The following BAIAP2 variants were observed in gnomAD, a reference collection of about 807,000 sequenced individuals.
The protein encoded by BAIAP2 is BAR/IMD domain containing adaptor protein 2, also known as BAR/IMD domain-containing adapter protein 2.
Under a neutral mutation model 63.0 loss-of-function variants are expected in BAIAP2, and 18 were observed. The ratio of observed to expected loss-of-function variants is 0.29; its 90% confidence interval spans 0.20 to 0.42. BAIAP2 has a LOEUF of 0.42. Among genes scored for constraint, BAIAP2 ranks in the 10% least tolerant of loss-of-function variants. The pLI is 1.00. For synonymous variants in BAIAP2, 386 were observed against 307.6 expected, an observed-to-expected ratio of 1.25 and a Z score of -2.67; for missense variants, 610 against 734.3, an observed-to-expected ratio of 0.83 and a Z score of 1.96.
chr17:81,096,059 G>A (rs531007853), intron 6 of BAIAP2, among the ~76,000 whole-genome samples: 1 of 152,220 alleles, frequency 6.6e-6, no homozygotes, highest in Non-Finnish European at 1.5e-5. Context: ...AGACCCAGGG[G>A]GCCCTGCAGC....
chr17:81,037,014 A>T, intron 1 of BAIAP2: 1 of 1,452,752 alleles, frequency 6.9e-7, no homozygotes, highest in Non-Finnish European at 9.3e-7. Flanking sequence ...GATCGTCCTT[A>T]ATAAAACTCT....
intron 3 of BAIAP2, among the ~76,000 whole-genome samples, chr17:81,070,602 C>T (rs1235128658): frequency 6.6e-6 from 1 of 152,306 alleles, no homozygotes. Context: ...GTGCCTGTCC[C>T]GCTGCAGCTG....
At chr17:81,070,673 C>T (rs542996119) in intron 3 of BAIAP2, among the ~76,000 whole-genome samples, 4 of 152,146 alleles carry the variant, frequency 2.6e-5, no homozygotes, top group Admixed American at 2.0e-4. Flanking sequence ...GTTAGCTCAG[C>T]CCCCGCAGAG....
intron 1 of BAIAP2, among the ~76,000 whole-genome samples, chr17:81,047,471 C>A (rs1322494773): frequency 6.6e-6 from 1 of 152,262 alleles, no homozygotes; most frequent in East Asian, 1.9e-4. Context: ...TGGCCACACA[C>A]AGACACATGT....
chr17:81,055,829 TG>T (rs2049459850), intron 2 of BAIAP2, among the ~76,000 whole-genome samples: 1 of 152,046 alleles, frequency 6.6e-6, no homozygotes, highest in African/African-American at 2.4e-5. Context: ...CCTCCCAAAG[TG>T]CCTAGGATTA....
chr17:81,108,344 G>T (rs2059421952), intron 12 of BAIAP2, 131 bp from the exon 13 acceptor site: 4 of 979,128 alleles, frequency 4.1e-6, no homozygotes, highest in African/African-American at 1.6e-5. Context: ...AGGAGATGGG[G>T]AGCCTTCCAA....
chr17:81,041,407 C>T (rs1165495629), intron 1 of BAIAP2, among the ~76,000 whole-genome samples: 2 of 152,188 alleles, frequency 1.3e-5, no homozygotes, highest in African/African-American at 4.8e-5. Context: ...GATCTGATGT[C>T]CTGGGCCATG....
At chr17:81,039,215 T>C (rs1598474897) in intron 1 of BAIAP2, among the ~76,000 whole-genome samples, 1 of 152,196 alleles carries the variant, frequency 6.6e-6, no homozygotes, top group Non-Finnish European at 1.5e-5. Context: ...CTTGGTGGGG[T>C]GGCCAGGGCA....
Position 81,066,278 on chromosome 17 carries a change from G to A in BAIAP2, c.217+8311G>A, listed in dbSNP as rs2051450533. Among the ~76,000 whole-genome samples, 5 of 152,240 alleles carry A rather than the reference G, an allele frequency of 3.3e-5. No homozygotes were observed. The South Asian group carries it at 1.0e-3, about 31-fold the overall frequency. The stretch of plus-strand genomic sequence containing the variant: ...TGCCAGCTGCCCGGCATCCCCAGGT[G>A]CCCGGGAGAGTGGCAGGAGCTCCCT... On this transcript the variant is annotated intron_variant, in intron 3 of 13. Coordinates refer to ENST00000428708, the MANE Select transcript of BAIAP2 (RefSeq NM_001144888.2).
At chr17:81,106,208 C>T (rs1016135447) in intron 11 of BAIAP2, 62 bp downstream of exon 11, 11 of 1,499,584 alleles carry the variant, frequency 7.3e-6, no homozygotes, top group South Asian at 7.2e-5. Context: ...TGTGATGACA[C>T]CAGGTCCCTG....
rs565072266 is a variant in BAIAP2, at chr17:81,092,320, C to A, written c.489+5740C>A. ...GGCCGAGGCCCCCGATGCGCACTGC[C>A]CGCCTCCACTGCCGGGCTCATTGTG... On this transcript the variant is annotated intron_variant, in intron 6 of 13. Coordinates refer to ENST00000428708, the MANE Select transcript of BAIAP2 (RefSeq NM_001144888.2). Among the ~76,000 whole-genome samples the A allele has an allele frequency of 5.3e-5, 8 of 152,316 alleles. No individual in the cohort carries two copies. The East Asian group carries it at 1.5e-3, about 29-fold the overall frequency.
chr17:81,114,735 C>T (rs1372187371), intron 13 of BAIAP2, among the ~76,000 whole-genome samples: 1 of 152,182 alleles, frequency 6.6e-6, no homozygotes, highest in African/African-American at 2.4e-5. Flanking sequence ...TCCTGGGCAG[C>T]TGGACGGAAC....
At chr17:81,089,414 C>T (rs968941887) in intron 6 of BAIAP2, among the ~76,000 whole-genome samples, 1 of 152,210 alleles carries the variant, frequency 6.6e-6, no homozygotes, top group Non-Finnish European at 1.5e-5. Flanking sequence ...TGCTGTGGTC[C>T]ACGGTCTGGG....
chr17:81,085,132 G>C (rs2055344552), intron 4 of BAIAP2: 1 of 579,556 alleles, frequency 1.7e-6, no homozygotes, highest in Non-Finnish European at 3.1e-6. Flanking sequence ...TGACACGCTG[G>C]GCTCCAGGGA....
At chr17:81,055,574 G>GTTTTTTGTTGTTTTTTTTTGTTTTT (rs370775327) in intron 2 of BAIAP2, among the ~76,000 whole-genome samples, 11 of 123,412 alleles carry the variant, frequency 8.9e-5, no homozygotes, top group Non-Finnish European at 1.7e-4. Flanking sequence ...AGGGTGTTTT[G>GTTTTTTGTTGTTTTTTTTTGTTTTT]TTTTTTTTTG....
At chr17:81,053,162 C>CA (rs2048932142) in intron 1 of BAIAP2, among the ~76,000 whole-genome samples, 1 of 152,160 alleles carries the variant, frequency 6.6e-6, no homozygotes, top group Admixed American at 6.5e-5. Context: ...TTGGATTATT[C>CA]ATAGCACGGC....
rs533974171 is a variant in BAIAP2, at chr17:81,070,896, C to T, written c.217+12929C>T. On this transcript the variant is annotated intron_variant, in intron 3 of 13. Transcript: ENST00000428708. ...GTCCAGGGCCCATCCTTGGAGCCGG[C>T]GGGTTGGAGTGGTGGCTCAGGACAG... Among the ~76,000 whole-genome samples the T allele has an allele frequency of 3.3e-5, 5 of 152,280 alleles. No individual in the cohort carries two copies. The East Asian group carries it at 5.8e-4, about 18-fold the overall frequency.
intron 13 of BAIAP2, among the ~76,000 whole-genome samples, chr17:81,111,294 G>A (rs4969249): frequency 0.036 from 5,511 of 152,356 alleles, 162 homozygotes; most frequent in Admixed American, 0.08. Context: ...GGTGACCCCG[G>A]CAAGCAGCTG....
intron 1 of BAIAP2, chr17:81,036,751 CTG>C (rs1320186177): frequency 2.2e-6 from 2 of 913,464 alleles, no homozygotes; most frequent in Non-Finnish European, 3.4e-6. Context: ...TTCACAGAGT[CTG>C]TGGCATACGG....
Sources: gnomAD v4.1 joint callset for allele counts (sites outside exome capture counted in the v4.1 genomes callset) on GRCh38, gnomAD v4.1.1 for gene constraint, MANE v1.5 for transcripts, NCBI Gene and HGNC (gene_info 2026-07-23, HGNC 2026-07-21) for gene names.